Variants in FOXN4 observed in about 807,000 individuals in gnomAD.
FOXN4 encodes forkhead box N4, also known as forkhead box protein N4.
In FOXN4, 12 loss-of-function variants were observed where a neutral mutation model predicts 45.0. The ratio of observed to expected loss-of-function variants is 0.27; its 90% CI spans 0.17 to 0.43. FOXN4 has a LOEUF of 0.43. Ranked by LOEUF, FOXN4 falls within the 20% of genes least tolerant of loss-of-function variation. FOXN4 has a pLI of 1.00. For missense variants in FOXN4, 560 were observed against 694.9 expected, an observed-to-expected ratio of 0.81 and a Z score of 2.18; for synonymous variants, 297 against 295.0, an observed-to-expected ratio of 1.01 and a Z score of -0.07.
intron 2 of FOXN4, among the ~76,000 whole-genome samples, chr12:109,293,309 T>C (rs1313137576): frequency 6.6e-6 from 1 of 151,912 alleles, no homozygotes; most frequent in Non-Finnish European, 1.5e-5. Flanking sequence ...GAGCAGCACC[T>C]CCGCTGGGAA....
rs1383813376 is a variant in FOXN4, at chr12:109,287,586, A to T, written c.469-62T>A. On this transcript the variant is annotated intron_variant, in intron 5 of 9. Transcript: ENST00000299162. The surrounding 1 kb of genome is among the most constrained non-coding windows in gnomAD (Gnocchi z 4.1). ...AAAGAGAGAAGGTGAGAAATAACAT[A>T]CGTCACTCACAGTAACACTGTCCCC... is the stretch of plus-strand genomic sequence containing the variant. 3 of 1,474,282 alleles carry T rather than the reference A, an allele frequency of 2.0e-6. No homozygotes were observed. In the Admixed American group the frequency reaches 7.7e-5, roughly 38 times the overall value. The allele number at this position is 1,474,282 out of a possible 1,614,324, so 91.3% of individuals were successfully genotyped here.
chr12:109,292,609 T>C (rs1446714208), intron 2 of FOXN4, among the ~76,000 whole-genome samples: 2 of 152,226 alleles, frequency 1.3e-5, no homozygotes, highest in African/African-American at 4.8e-5. Context: ...CAATGTAATA[T>C]GAATATTTAG....
chr12:109,282,712 A>G (rs981207233), intron 8 of FOXN4, among the ~76,000 whole-genome samples: 10 of 152,230 alleles, frequency 6.6e-5, no homozygotes, highest in Non-Finnish European at 1.2e-4. Context: ...TTGGATATAA[A>G]CAAGTAAAGA....
rs1257680828 is a variant in FOXN4 at position 109,309,143 on chromosome 12, CCGCTGCCGG to C, written c.-37_-29del. ...CCTGGAGCCGATCCTCGCGGGGCCG[CCGCTGCCGG>C]CGCTCCGGGGGTGGGCAGGGGTTCC... On this transcript the variant is annotated 5_prime_UTR_variant, in exon 1 of 10. Coordinates refer to ENST00000299162, the MANE Select transcript of FOXN4 (RefSeq NM_213596.3). This position sits in a 1 kb window ranked among gnomAD's most constrained non-coding sequence, Gnocchi z 5.0. 3 of 152,212 alleles carry C rather than the reference CCGCTGCCGG, an allele frequency of 2.0e-5. No individual in the cohort carries two copies. Among genetic ancestry groups the C allele is most frequent in the Admixed American group, 1.3e-4 (2 of 15,284 alleles). 9.4% of individuals were successfully genotyped at this position (152,212 alleles called of 1,614,324 possible). A position where few individuals can be genotyped will look rare whatever the true frequency, so the allele number is the denominator to read the frequency against.
chr12:109,296,844 C>G (rs1231205100), intron 2 of FOXN4, among the ~76,000 whole-genome samples: 1 of 152,238 alleles, frequency 6.6e-6, no homozygotes, highest in African/African-American at 2.4e-5. Context: ...GCTGTCCCCC[C>G]ATGGATGTGG....
At chr12:109,298,389 G>A (rs914491106) in intron 2 of FOXN4, among the ~76,000 whole-genome samples, 1 of 136,864 alleles carries the variant, frequency 7.3e-6, no homozygotes, top group African/African-American at 2.7e-5. Flanking sequence ...TTTTTAACAT[G>A]GAGTTTCGCT....
At chr12:109,308,908 C>G (rs1007637852) in intron 1 of FOXN4, among the ~76,000 whole-genome samples, 1 of 152,194 alleles carries the variant, frequency 6.6e-6, no homozygotes, top group Non-Finnish European at 1.5e-5. Context: ...TTTGAGTTCC[C>G]TAAGTTTCTC....
intron 2 of FOXN4, among the ~76,000 whole-genome samples, chr12:109,294,302 C>T (rs2047796654): frequency 2.0e-5 from 3 of 152,208 alleles, no homozygotes; most frequent in Non-Finnish European, 4.4e-5. Flanking sequence ...GTCCTTGTAA[C>T]CCCTGAGCTG....
intron 2 of FOXN4, among the ~76,000 whole-genome samples, chr12:109,293,344 A>G (rs906464939): frequency 6.6e-6 from 1 of 151,778 alleles, no homozygotes; most frequent in Non-Finnish European, 1.5e-5. Flanking sequence ...GACCCCAAGC[A>G]CAGGGACCCA....
chr12:109,281,314 T>C, intron 9 of FOXN4, 93 bp downstream of exon 9: 1 of 1,444,080 alleles, frequency 6.9e-7, no homozygotes, highest in East Asian at 2.3e-5. Flanking sequence ...GTGGGGCAAA[T>C]GCAGGCAGTA....
Position 109,279,322 on chromosome 12 carries a change from C to A in FOXN4, c.*349G>T. On this transcript the variant is annotated 3_prime_UTR_variant, in exon 10 of 10. Coordinates refer to ENST00000299162, the MANE Select transcript of FOXN4 (RefSeq NM_213596.3). The stretch of plus-strand genomic sequence containing the variant: ...AATGGGGTGCAGGTCACTGAGGTCA[C>A]GCAGCCAGGATCCAGGATGGAGAAG... 1 of 346,372 alleles carries A rather than the reference C, an allele frequency of 2.9e-6. No homozygotes were observed. The highest frequency in any genetic ancestry group is 5.5e-6 in the Non-Finnish European group (1 of 182,296). 21.5% of individuals were successfully genotyped at this position (346,372 alleles called of 1,614,324 possible).
At chr12:109,285,275 G>GTGTGTGTT in intron 8 of FOXN4, 29 bp downstream of exon 8, 1 of 1,392,684 alleles carries the variant, frequency 7.2e-7, no homozygotes, top group Non-Finnish European at 9.7e-7. Flanking sequence ...GTGTGTGTGT[G>GTGTGTGTT]CGCGCACTGC....
intron 2 of FOXN4, among the ~76,000 whole-genome samples, chr12:109,296,033 G>A (rs1322366366): frequency 1.3e-5 from 2 of 152,150 alleles, no homozygotes; most frequent in African/African-American, 4.8e-5. Context: ...TCTGATAAGT[G>A]CCCATCCTCT....
At chr12:109,305,268 G>A (rs2047910983) in intron 2 of FOXN4, among the ~76,000 whole-genome samples, 1 of 152,200 alleles carries the variant, frequency 6.6e-6, no homozygotes, top group Non-Finnish European at 1.5e-5. Flanking sequence ...CTACCTTCAT[G>A]GGGTGGTTTT....
Position 109,287,531 on chromosome 12 carries a change from A to C in FOXN4, c.469-7T>G. 6.6e-7 allele frequency: 1 copy of C among 1,523,356 alleles called. No homozygotes were observed. The highest frequency in any genetic ancestry group is 8.8e-7 in the Non-Finnish European group (1 of 1,136,314). The allele number at this position is 1,523,356 out of a possible 1,614,324, so 94.4% of individuals were successfully genotyped here. Reference sequence around the variant, plus strand: ...AGAGGCCCACAGGAGGGCACTTCCCACAGGCAGGGGCAGGGAGAAAGTGGC... The same window carrying C: ...AGAGGCCCACAGGAGGGCACTTCCCCCAGGCAGGGGCAGGGAGAAAGTGGC... On this transcript the variant is annotated splice_region_variant and splice_polypyrimidine_tract_variant and intron_variant, in intron 5 of 9. Coordinates refer to ENST00000299162, the MANE Select transcript of FOXN4 (RefSeq NM_213596.3). The surrounding 1 kb of genome is among the most constrained non-coding windows in gnomAD (Gnocchi z 4.1).
At position 109,285,502 on chromosome 12, in the gene FOXN4, CG is replaced by C. The variant is rs747391896; in HGVS notation, c.702del (p.Asp235ThrfsTer13). 1 of 1,613,984 alleles carries C rather than the reference CG, an allele frequency of 6.2e-7. No individual in the cohort carries two copies. On this transcript the variant is annotated frameshift_variant, in exon 8 of 10. Coordinates refer to ENST00000299162, the MANE Select transcript of FOXN4 (RefSeq NM_213596.3). LOFTEE classifies it high-confidence loss of function. ...KEHFPYFKTAPDGWKNSVRHN... is the reference protein window; with the variant it reads ...KEHFPYFKTAXDGWKNSVRHN... ...TGCCGCACCGAGTTCTTCCACCCGT[CG>C]GGGGCCGTCTATGAAGACACATGGG...
chr12:109,303,811 G>A (rs1303688946), intron 2 of FOXN4, among the ~76,000 whole-genome samples: 2 of 152,140 alleles, frequency 1.3e-5, no homozygotes, highest in East Asian at 3.8e-4. Flanking sequence ...TATAAGTTCT[G>A]CCCCTTCATA....
At chr12:109,302,207 T>A (rs1216223617) in intron 2 of FOXN4, among the ~76,000 whole-genome samples, 1 of 151,960 alleles carries the variant, frequency 6.6e-6, no homozygotes, top group African/African-American at 2.4e-5. Context: ...CAAATATTTG[T>A]CCCCCCAATG....
chr12:109,287,436 A>C lies in FOXN4; in HGVS notation c.557T>G (p.Leu186Arg), dbSNP rs999794714. 2.6e-6 allele frequency: 4 copies of C among 1,551,402 alleles called. No individual in the cohort carries two copies. Among genetic ancestry groups the C allele is most frequent in the Non-Finnish European group, 3.5e-6 (4 of 1,146,922 alleles). ...GGGCTTGGGGTAGTGTTTGGGGTGCAGTTCTTGAGATGAATGCACAGCCAC... is the reference window on the plus strand; with the variant it reads ...GGGCTTGGGGTAGTGTTTGGGGTGCCGTTCTTGAGATGAATGCACAGCCAC... ...PHVAVHSSQE[L>R]HPKHYPKPIY... Residue 186 changes from leucine to arginine, a missense_variant, in exon 6 of 10, where the codon CTG becomes CGG. Coordinates refer to ENST00000299162, the MANE Select transcript of FOXN4 (RefSeq NM_213596.3). This position sits in a 1 kb window ranked among gnomAD's most constrained non-coding sequence, Gnocchi z 4.1.
Sources: allele counts gnomAD v4.1 joint callset (sites outside exome capture counted in the v4.1 genomes callset), GRCh38; gene constraint gnomAD v4.1.1; non-coding constraint Gnocchi (gnomAD v3.1); transcripts MANE v1.5; gene names NCBI Gene and HGNC (gene_info 2026-07-23, HGNC 2026-07-21).